Variants in PKD1L3 observed in about 807,000 individuals in gnomAD.
PKD1L3 encodes polycystin 1 like 3, transient receptor potential channel interacting.
PKD1L3 carries 239 observed loss-of-function variants against 184.1 expected under a neutral mutation model. The ratio of observed to expected loss-of-function variants is 1.30; its 90% CI spans 1.17 to 1.45. The LOEUF is 1.45. Ranked by LOEUF, PKD1L3 falls within the 40% of genes most tolerant of loss-of-function variation. The probability of loss-of-function intolerance (pLI) is 0.00; values close to 1 mark genes in which losing one functional copy is unlikely to be tolerated. For synonymous variants in PKD1L3, 996 were observed against 778.8 expected (o/e 1.28, Z -4.64); for missense variants, 2,660 against 2,067.2 (o/e 1.29, Z -5.56).
At chr16:71,946,730 A>T (rs2038616136) in intron 22 of PKD1L3, among the ~76,000 whole-genome samples, 1 of 116,538 alleles carries the variant, frequency 8.6e-6, no homozygotes, top group East Asian at 2.4e-4. Flanking sequence ...GCAGGCAAAC[A>T]ATTCAGTTTA....
Position 71,954,122 on chromosome 16 carries a change from G to T in PKD1L3, c.2792C>A (p.Ala931Asp). 1 of 1,544,510 alleles carries T rather than the reference G, an allele frequency of 6.5e-7. No homozygotes were observed. Among genetic ancestry groups the T allele is most frequent in the South Asian group, 1.2e-5 (1 of 82,736 alleles). Residue 931 changes from alanine (A) to aspartate (D), a missense_variant, in exon 17 of 30, where the codon GCC (alanine) becomes GAC (aspartate). Physicochemically the swap from Ala to Asp is moderately radical, Grantham distance 126 (BLOSUM62 -2). Transcript: ENST00000620267. The stretch of plus-strand genomic sequence containing the variant: ...ATCCATACTTTGCTCATCTCTCTTG[G>T]CAGTGGTGCTGTTTATCTTCCAGAA... The part of the protein sequence containing the change: ...VMFWKINSTT[A>D]KRDEQMRPFA...
At chr16:71,977,493 A>T in intron 10 of PKD1L3, 26 bp from the exon 11 acceptor site, 4 of 1,480,568 alleles carry the variant, frequency 2.7e-6, no homozygotes, top group East Asian at 2.5e-5. Context: ...GTTAATCATT[A>T]TAATGGTCCA....
chr16:71,984,145 T>G lies in PKD1L3; in HGVS notation c.857A>C (p.Asn286Thr), dbSNP rs1567545422. ...SGQVIDEIAG[N>T]FSRAVHGLQA... Reference sequence around the variant, plus strand: ...CAAACCATGAACTGCTCTGCTGAAGTTCCCTGCTATCTCATCTATGACCTA... The same window carrying G: ...CAAACCATGAACTGCTCTGCTGAAGGTCCCTGCTATCTCATCTATGACCTA... The change falls in exon 6 of 30, where the codon AAC (asparagine) becomes ACC (threonine). Residue 286 changes from asparagine to threonine, a missense_variant. By Grantham distance (65) the Asn-to-Thr change is moderately conservative. Transcript: ENST00000620267. The G allele has an allele frequency of 6.4e-7, 1 of 1,551,486 alleles. No individual in the cohort carries two copies. Among genetic ancestry groups the G allele is most frequent in the East Asian group, 2.4e-5 (1 of 40,916 alleles).
intron 2 of PKD1L3, among the ~76,000 whole-genome samples, chr16:71,997,752 A>AAAATAAATAAAC (rs1555528552): frequency 1.4e-5 from 2 of 145,632 alleles, no homozygotes; most frequent in African/African-American, 5.1e-5. Flanking sequence ...CAGTCTTGGA[A>AAAATAAATAAAC]AAATAAATAA....
At position 71,962,542 on chromosome 16, in the gene PKD1L3, G is replaced by A. The variant is rs1038489459; in HGVS notation, c.2612+663C>T. On this transcript the variant is annotated intron_variant, in intron 16 of 29. Coordinates refer to ENST00000620267, the MANE Select transcript of PKD1L3 (RefSeq NM_181536.2). ...TTCGCTCCGTTGCCCAGGCTGGAGT[G>A]CAGTGGCAATCTTGGCTCACTGCAA... Among the ~76,000 whole-genome samples, 3 of 152,148 alleles carry A rather than the reference G, an allele frequency of 2.0e-5. No homozygotes were observed. The East Asian group carries it at 5.8e-4, about 29-fold the overall frequency.
At chr16:71,958,115 C>T (rs1231148134) in intron 16 of PKD1L3, among the ~76,000 whole-genome samples, 8 of 151,566 alleles carry the variant, frequency 5.3e-5, no homozygotes, top group Non-Finnish European at 7.4e-5. Context: ...CGGCCGGGCG[C>T]GGTGGCTCAC....
At chr16:71,961,634 G>GGAAATCTAATAC (rs2039284294) in intron 16 of PKD1L3, among the ~76,000 whole-genome samples, 1 of 151,972 alleles carries the variant, frequency 6.6e-6, no homozygotes, top group Admixed American at 6.6e-5. Context: ...CTGACCTTGT[G>GGAAATCTAATAC]AGCGAATCAT....
chr16:71,983,271 C>T (rs2040229718), intron 6 of PKD1L3, among the ~76,000 whole-genome samples: 2 of 151,990 alleles, frequency 1.3e-5, no homozygotes, highest in Non-Finnish European at 2.9e-5. Context: ...CTCAGCCTCC[C>T]AAGTAGCTGC....
At chr16:71,956,446 G>A (rs2143448853) in intron 16 of PKD1L3, among the ~76,000 whole-genome samples, 1 of 152,042 alleles carries the variant, frequency 6.6e-6, no homozygotes, top group Admixed American at 6.6e-5. Flanking sequence ...ACCCGACCCG[G>A]CCTCCCAAAG....
rs1210944273 is a variant in PKD1L3, at chr16:71,953,065, T to A, written c.2838A>T (p.Glu946Asp). 4.6e-6 allele frequency: 7 copies of A among 1,515,194 alleles called. No homozygotes were observed. The highest frequency in any genetic ancestry group is 5.3e-6 in the Non-Finnish European group (6 of 1,132,666). The allele number at this position is 1,515,194 out of a possible 1,614,324, so 93.9% of individuals were successfully genotyped here. Residue 946 changes from glutamate to aspartate, a missense_variant, in exon 18 of 30, where the codon GAA (glutamate) becomes GAT (aspartate). Transcript: ENST00000620267. ...CAGCAGTATGGATGCTGACCAGCAGTTCAGACCAGGCCACAGCAAATGGAC... is the reference window on the plus strand; with the variant it reads ...CAGCAGTATGGATGCTGACCAGCAGATCAGACCAGGCCACAGCAAATGGAC... ...QMRPFAVAWSELLVSIHTAVI... is the reference protein window; with the variant it reads ...QMRPFAVAWSDLLVSIHTAVI...
chr16:71,979,858 A>G lies in PKD1L3; in HGVS notation c.1326T>C (p.Pro442=), dbSNP rs534457912. 1.4e-5 allele frequency: 21 copies of G among 1,530,362 alleles called. No homozygotes were observed. Among genetic ancestry groups the G allele is most frequent in the Admixed American group, 4.7e-5 (2 of 42,746 alleles). The allele number at this position is 1,530,362 out of a possible 1,614,324, so 94.8% of individuals were successfully genotyped here. The change falls in exon 9 of 30, where the codon CCT becomes CCC. Residue 442 remains proline, a synonymous_variant. Coordinates refer to ENST00000620267, the MANE Select transcript of PKD1L3 (RefSeq NM_181536.2). ...LSSYTLGHPA[P]VRLGFPSALA... ...AAGCCGACGGAAAGCCTAGCCTCAC[A>G]GGGGCTGGGTGACCCAGAGTGTAAG...
intron 24 of PKD1L3, among the ~76,000 whole-genome samples, chr16:71,938,807 G>A (rs1431876407): frequency 6.6e-6 from 1 of 152,200 alleles, no homozygotes; most frequent in Non-Finnish European, 1.5e-5. Context: ...AAACTGTCTT[G>A]TCACTCAATG....
chr16:71,994,071 G>T (rs774606969), intron 2 of PKD1L3, among the ~76,000 whole-genome samples: 8 of 152,172 alleles, frequency 5.3e-5, no homozygotes, highest in Non-Finnish European at 1.2e-4. Flanking sequence ...CGCCCGTCTG[G>T]CAATAACATT....
intron 16 of PKD1L3, among the ~76,000 whole-genome samples, chr16:71,961,690 C>G (rs1192364592): frequency 6.6e-6 from 1 of 152,126 alleles, no homozygotes; most frequent in Admixed American, 6.6e-5. Flanking sequence ...GTAACAGACC[C>G]AGCCAGGATG....
At chr16:71,969,503 G>C (rs1258886232) in intron 13 of PKD1L3, among the ~76,000 whole-genome samples, 1 of 131,746 alleles carries the variant, frequency 7.6e-6, no homozygotes, top group Non-Finnish European at 1.6e-5. Flanking sequence ...GTAGAGACAA[G>C]GTCTTGTTAT....
In PKD1L3 at chr16:71,990,303, G is replaced by A; in HGVS notation, c.562C>T (p.His188Tyr). 1 of 1,548,740 alleles carries A rather than the reference G, an allele frequency of 6.5e-7. No homozygotes were observed. The highest frequency in any genetic ancestry group is 8.7e-7 in the Non-Finnish European group (1 of 1,144,688). Residue 188 changes from histidine to tyrosine, a missense_variant, in exon 4 of 30, where the codon CAC (histidine) becomes TAC (tyrosine). Transcript: ENST00000620267. Reference sequence around the variant, plus strand: ...ACAAGATGAGCAGGAAGAGGATAGTGACATGTGGTTGGAAGATGACCAGGT... The same window carrying A: ...ACAAGATGAGCAGGAAGAGGATAGTAACATGTGGTTGGAAGATGACCAGGT... The part of the protein sequence containing the change: ...PGPGHLPTTC[H>Y]YPLPAHLSKT...
chr16:71,973,545 T>A (rs773444012), intron 11 of PKD1L3, 28 bp from the exon 12 acceptor site: 1 of 1,529,838 alleles, frequency 6.5e-7, no homozygotes, highest in South Asian at 1.2e-5. Flanking sequence ...TGCTTACTTG[T>A]ATATCAAATG....
chr16:71,986,072 C>A, intron 5 of PKD1L3, 149 bp downstream of exon 5: 1 of 1,041,454 alleles, frequency 9.6e-7, no homozygotes, highest in Non-Finnish European at 1.4e-6. Flanking sequence ...TGGCTGTTTC[C>A]ATGGACTTGT....
intron 2 of PKD1L3, among the ~76,000 whole-genome samples, chr16:71,995,296 G>A (rs925848054): frequency 6.6e-6 from 1 of 152,112 alleles, no homozygotes; most frequent in Admixed American, 6.6e-5. Context: ...GTCTTAATGC[G>A]ATCACATTGG....
Sources: gnomAD v4.1 joint callset for allele counts (sites outside exome capture counted in the v4.1 genomes callset) on GRCh38, gnomAD v4.1.1 for gene constraint, MANE v1.5 for transcripts, NCBI Gene and HGNC (gene_info 2026-07-23, HGNC 2026-07-21) for gene names.